The following COG5 variants were observed in gnomAD, a reference collection of about 807,000 sequenced individuals.
The protein encoded by COG5 is conserved oligomeric Golgi complex subunit 5.
COG5 carries 86 observed loss-of-function variants against 110.4 expected under a neutral mutation model. That is an observed-to-expected ratio of 0.78 (90% CI 0.65 to 0.93). The LOEUF is 0.93. Ranked by LOEUF, COG5 falls within the 40% of genes least tolerant of loss-of-function variation. The probability of loss-of-function intolerance (pLI) is 0.00; values close to 1 mark genes in which losing one functional copy is unlikely to be tolerated. For missense variants in COG5, 1,077 were observed against 987.0 expected (o/e 1.09, Z -1.22); for synonymous variants, 360 against 334.6 (o/e 1.08, Z -0.83).
rs558290908 is a variant in COG5, at chr7:107,318,326, G to GC, written c.1108+6113dup. The stretch of plus-strand genomic sequence containing the variant: ...CAGGCATGAGCCATAGCACCTGGCC[G>GC]CCAATGGCTTTTTTCTTTGTAGATT... On this transcript the variant is annotated intron_variant, in intron 11 of 21. Coordinates refer to ENST00000297135, the MANE Select transcript of COG5 (RefSeq NM_006348.5). Among the ~76,000 whole-genome samples, 22 of 152,154 alleles carry GC rather than the reference G, an allele frequency of 1.4e-4. No individual in the cohort carries two copies. The South Asian group carries it at 2.5e-3, about 17-fold the overall frequency.
intron 5 of COG5, among the ~76,000 whole-genome samples, chr7:107,528,304 C>T (rs796959967): frequency 3.3e-5 from 5 of 152,076 alleles, no homozygotes; most frequent in African/African-American, 9.6e-5. Flanking sequence ...GCCCAGGCTG[C>T]TCTCAAACTA....
chr7:107,357,950 T>C lies in COG5; in HGVS notation c.1026+4083A>G, dbSNP rs114290233. 5.4e-3 allele frequency among the ~76,000 whole-genome samples: 828 copies of C among 152,326 alleles called. 9 individuals carry two copies. The highest frequency in any genetic ancestry group is 0.019 in the African/African-American group (807 of 41,560). On this transcript the variant is annotated intron_variant, in intron 10 of 21. Transcript: ENST00000297135. Reference sequence around the variant, plus strand: ...TCCCAAATTATTGGGATTACAGGTATCAGCCACTGTGCCTGGACTCATACG... The same window carrying C: ...TCCCAAATTATTGGGATTACAGGTACCAGCCACTGTGCCTGGACTCATACG...
chr7:107,436,106 G>A (rs117305505), intron 6 of COG5, among the ~76,000 whole-genome samples: 6,190 of 152,288 alleles, frequency 0.041, 187 homozygotes, highest in Middle Eastern at 0.12. Context: ...TAGAGGTAGA[G>A]AATAGACTGG....
intron 6 of COG5, among the ~76,000 whole-genome samples, chr7:107,414,177 A>G (rs1279801945): frequency 6.6e-6 from 1 of 152,232 alleles, no homozygotes; most frequent in African/African-American, 2.4e-5. Context: ...ACTTTTAAAA[A>G]TATGTAAATG....
At chr7:107,362,456 G>A in intron 8 of COG5, 36 bp from the exon 9 acceptor site, 2 of 1,375,220 alleles carry the variant, frequency 1.5e-6, no homozygotes, top group Non-Finnish European at 2.1e-6. Flanking sequence ...GAAAAATAAA[G>A]TTTTCCAAAG....
At chr7:107,359,405 T>A (rs1562987812) in intron 10 of COG5, among the ~76,000 whole-genome samples, 1 of 152,176 alleles carries the variant, frequency 6.6e-6, no homozygotes, top group Non-Finnish European at 1.5e-5. Flanking sequence ...TGAGGGCAGC[T>A]CAGTGAGGGC....
intron 6 of COG5, among the ~76,000 whole-genome samples, chr7:107,489,242 T>C (rs114979869): frequency 0.033 from 5,003 of 152,266 alleles, 280 homozygotes; most frequent in African/African-American, 0.11. Flanking sequence ...AAATATAAAC[T>C]CTTCGCTAAA....
intron 11 of COG5, among the ~76,000 whole-genome samples, chr7:107,309,832 T>C (rs901396547): frequency 1.6e-4 from 24 of 152,324 alleles, no homozygotes; most frequent in Middle Eastern, 3.4e-3. Flanking sequence ...ACAAAAAGTA[T>C]ATTCGTATAT....
chr7:107,467,527 T>G (rs1161094598), intron 6 of COG5, among the ~76,000 whole-genome samples: 3 of 152,138 alleles, frequency 2.0e-5, no homozygotes, highest in East Asian at 3.9e-4. Context: ...AATTTTTGTA[T>G]TTTTTGTAGA....
chr7:107,340,785 T>C (rs764140073), intron 10 of COG5, among the ~76,000 whole-genome samples: 6 of 152,132 alleles, frequency 3.9e-5, no homozygotes, highest in Non-Finnish European at 8.8e-5. Context: ...AAAAACCATA[T>C]GATCATCTCA....
chr7:107,252,423 A>G (rs914887321), intron 16 of COG5, among the ~76,000 whole-genome samples: 1 of 152,196 alleles, frequency 6.6e-6, no homozygotes, highest in African/African-American at 2.4e-5. Context: ...CCACAGAGAA[A>G]ACTACAGACC....
chr7:107,240,448 T>C (rs1463815016), intron 17 of COG5, among the ~76,000 whole-genome samples: 1 of 152,170 alleles, frequency 6.6e-6, no homozygotes, highest in Non-Finnish European at 1.5e-5. Flanking sequence ...ACTCCTGACC[T>C]CAAGTGATCT....
intron 10 of COG5, among the ~76,000 whole-genome samples, chr7:107,326,182 A>C (rs1322953733): frequency 6.6e-6 from 1 of 152,168 alleles, no homozygotes; most frequent in Non-Finnish European, 1.5e-5. Context: ...ACATAAGAAA[A>C]ATCTGCAGCT....
chr7:107,340,688 C>T (rs758114381), intron 10 of COG5, among the ~76,000 whole-genome samples: 18 of 152,110 alleles, frequency 1.2e-4, no homozygotes, highest in Non-Finnish European at 2.2e-4. Context: ...TCACCATGAT[C>T]GAGTTGGCTT....
chr7:107,205,167 A>G (rs1321052710), intron 21 of COG5, among the ~76,000 whole-genome samples: 1 of 152,120 alleles, frequency 6.6e-6, no homozygotes, highest in Non-Finnish European at 1.5e-5. Context: ...ATTTCCCCTG[A>G]AGTATTACAG....
At chr7:107,315,405 G>C (rs1584666245) in intron 11 of COG5, among the ~76,000 whole-genome samples, 1 of 152,042 alleles carries the variant, frequency 6.6e-6, no homozygotes, top group Admixed American at 6.5e-5. Flanking sequence ...ACTCTAACTT[G>C]TATGAACAAC....
chr7:107,450,593 T>C (rs757145853), intron 6 of COG5, among the ~76,000 whole-genome samples: 41 of 152,166 alleles, frequency 2.7e-4, no homozygotes, highest in Non-Finnish European at 1.0e-4. Flanking sequence ...AGGTCATTTA[T>C]TAGTAAGGAA....
chr7:107,311,921 T>C (rs938372219), intron 11 of COG5, among the ~76,000 whole-genome samples: 4 of 152,088 alleles, frequency 2.6e-5, no homozygotes, highest in Admixed American at 6.5e-5. Flanking sequence ...CAGAAAATTT[T>C]CCCCCGATTC....
At position 107,468,355 on chromosome 7, in the gene COG5, A is replaced by G. The variant is rs557456223; in HGVS notation, c.539-55723T>C. ...TTAATAATCTCCTCATCCCCATCACATATTTCCACTGATGCTATGCTTTCT... is the reference window on the plus strand; with the variant it reads ...TTAATAATCTCCTCATCCCCATCACGTATTTCCACTGATGCTATGCTTTCT... On this transcript the variant is annotated intron_variant, in intron 6 of 21. Transcript: ENST00000297135. Among the ~76,000 whole-genome samples, 13 of 152,210 alleles carry G rather than the reference A, an allele frequency of 8.5e-5. No homozygotes were observed. In the South Asian group the frequency reaches 2.1e-3, roughly 24 times the overall value.
Sources: allele counts gnomAD v4.1 joint callset (sites outside exome capture counted in the v4.1 genomes callset), GRCh38; gene constraint gnomAD v4.1.1; transcripts MANE v1.5; gene names NCBI Gene and HGNC (gene_info 2026-07-23, HGNC 2026-07-21).